The following SMAD3 variants were observed in gnomAD, a reference collection of about 807,000 sequenced individuals.
SMAD3 encodes the protein MAD homolog 3.
In SMAD3, 12 loss-of-function variants were observed where a neutral mutation model predicts 51.8. That is an observed-to-expected ratio of 0.23 (90% confidence interval 0.15 to 0.38). The LOEUF (loss-of-function observed/expected upper bound fraction) is 0.38, where lower values mean the gene tolerates loss of function less well. SMAD3 is among the 10% of genes least tolerant of loss of function. The pLI, the probability that SMAD3 is intolerant of heterozygous loss-of-function variation, is 1.00. For missense variants in SMAD3, 294 were observed against 565.6 expected, an observed-to-expected ratio of 0.52 and a Z score of 4.87; for synonymous variants, 238 against 227.7, an observed-to-expected ratio of 1.05 and a Z score of -0.41.
intron 1 of SMAD3, among the ~76,000 whole-genome samples, chr15:67,100,214 T>C (rs1260326777): frequency 6.8e-6 from 1 of 147,862 alleles, no homozygotes; most frequent in African/African-American, 2.5e-5. Flanking sequence ...ATGAAGTATG[T>C]GCCACAACAT....
intron 7 of SMAD3, chr15:67,186,975 G>A (rs1304180905): frequency 6.8e-6 from 3 of 443,640 alleles, no homozygotes; most frequent in African/African-American, 2.0e-5. Context: ...TGGGCAACCT[G>A]GCCCAGGTCC....
At chr15:67,150,148 G>A (rs887375985) in intron 1 of SMAD3, among the ~76,000 whole-genome samples, 5 of 152,232 alleles carry the variant, frequency 3.3e-5, no homozygotes, top group East Asian at 1.9e-4. Flanking sequence ...TGGAGTGAGC[G>A]CTTGTCCTGA....
chr15:67,065,621 G>GGCGGGA lies in SMAD3; in HGVS notation c.-524_-519dup, dbSNP rs1209155850. On this transcript the variant is annotated 5_prime_UTR_variant, in exon 1 of 9. Transcript: ENST00000327367. Reference sequence around the variant, plus strand: ...TTGCATGAAACACAGACTGGGAGCGGGCGGGAGCGGGAGCGCGGCGCACGC... The same window carrying GGCGGGA: ...TTGCATGAAACACAGACTGGGAGCGGGCGGGAGCGGGAGCGGGAGCGCGGCGCACGC... Among the ~76,000 whole-genome samples, 6 of 151,392 alleles carry GGCGGGA rather than the reference G, an allele frequency of 4.0e-5. No individual in the cohort carries two copies. The highest frequency in any genetic ancestry group is 2.1e-4 in the South Asian group (1 of 4,806).
chr15:67,167,815 T>C, intron 4 of SMAD3, among the ~76,000 whole-genome samples: 1 of 152,050 alleles, frequency 6.6e-6, no homozygotes, highest in East Asian at 1.9e-4. Flanking sequence ...TTGTGTGTGG[T>C]TGGGAGAGGA....
At chr15:67,066,722 C>A (rs1384877533) in intron 1 of SMAD3, among the ~76,000 whole-genome samples, 1 of 152,142 alleles carries the variant, frequency 6.6e-6, no homozygotes, top group Non-Finnish European at 1.5e-5. Flanking sequence ...CTCCGCGGGC[C>A]GGAGCCCCTC....
Position 67,107,970 on chromosome 15 carries a change from C to T in SMAD3, c.206+41610C>T, listed in dbSNP as rs142083133. On this transcript the variant is annotated intron_variant, in intron 1 of 8. Coordinates refer to ENST00000327367, the MANE Select transcript of SMAD3 (RefSeq NM_005902.4). Reference sequence around the variant, plus strand: ...TCCCTGGATCTGCTCTCCTCTCCCCCCCACCCCCCCACCACCTCCCGCGCT... The same window carrying T: ...TCCCTGGATCTGCTCTCCTCTCCCCTCCACCCCCCCACCACCTCCCGCGCT... Among the ~76,000 whole-genome samples the T allele has an allele frequency of 7.2e-5, 9 of 124,186 alleles. 1 individual carries two copies. The South Asian group carries it at 1.6e-3, about 22-fold the overall frequency. The allele number at this position is 124,186 out of a possible 152,430, so 81.5% of individuals were successfully genotyped here. A position where few individuals can be genotyped will look rare whatever the true frequency, so the allele number is the denominator to read the frequency against.
At chr15:67,142,934 ATCC>A (rs1032953861) in intron 1 of SMAD3, 18 of 403,436 alleles carry the variant, frequency 4.5e-5, no homozygotes, top group Admixed American at 1.4e-4. Flanking sequence ...GGGTTGGAAC[ATCC>A]TCCTCATTTT....
At chr15:67,110,522 A>G (rs1348926743) in intron 1 of SMAD3, among the ~76,000 whole-genome samples, 1 of 152,178 alleles carries the variant, frequency 6.6e-6, no homozygotes, top group Non-Finnish European at 1.5e-5. Flanking sequence ...TATTGACTTC[A>G]TAGTGTTGTT....
intron 5 of SMAD3, among the ~76,000 whole-genome samples, chr15:67,173,413 G>A (rs1190843645): frequency 6.6e-6 from 1 of 152,068 alleles, no homozygotes; most frequent in Non-Finnish European, 1.5e-5. Context: ...ATGTGTGAGC[G>A]GGCCCTTGAA....
Position 67,191,620 on chromosome 15 carries a change from C to A in SMAD3, c.*1084C>A, listed in dbSNP as rs1471607007. The A allele has an allele frequency of 8.6e-6, 2 of 233,140 alleles. No homozygotes were observed. The highest frequency in any genetic ancestry group is 1.7e-5 in the Non-Finnish European group (2 of 117,936). 14.4% of individuals were successfully genotyped at this position (233,140 alleles called of 1,614,324 possible). On this transcript the variant is annotated 3_prime_UTR_variant, in exon 9 of 9. Coordinates refer to ENST00000327367, the MANE Select transcript of SMAD3 (RefSeq NM_005902.4). ...GCAACTGCTTCTCTCCCTTCTCTCT[C>A]CTGAGGTGAAGCTTTTCCAGGTTTT...
chr15:67,072,620 C>T (rs1960079597), intron 1 of SMAD3, among the ~76,000 whole-genome samples: 1 of 152,236 alleles, frequency 6.6e-6, no homozygotes, highest in East Asian at 1.9e-4. Context: ...CCCAAGAAGG[C>T]TGCTCATGAT....
chr15:67,156,642 C>T (rs780107950), intron 1 of SMAD3, among the ~76,000 whole-genome samples: 2 of 152,154 alleles, frequency 1.3e-5, no homozygotes, highest in Admixed American at 1.3e-4. Context: ...GCTAGTGTTG[C>T]GTAACAAAGC....
intron 1 of SMAD3, among the ~76,000 whole-genome samples, chr15:67,153,601 A>G (rs940636324): frequency 6.6e-6 from 1 of 152,046 alleles, no homozygotes; most frequent in African/African-American, 2.4e-5. Context: ...CCCCCAGGGG[A>G]CATTTGGCAA....
intron 1 of SMAD3, among the ~76,000 whole-genome samples, chr15:67,109,031 C>T (rs998597849): frequency 7.9e-5 from 12 of 152,168 alleles, no homozygotes; most frequent in African/African-American, 2.9e-4. Context: ...TTCTTGTTGA[C>T]GAAGACCAGT....
chr15:67,171,830 G>A (rs1962759695), intron 5 of SMAD3, among the ~76,000 whole-genome samples: 1 of 152,210 alleles, frequency 6.6e-6, no homozygotes, highest in Admixed American at 6.5e-5. Context: ...TGAAAGGACT[G>A]AGTTATTAAA....
At chr15:67,187,273 G>T (rs931400302) in intron 7 of SMAD3, 92 bp from the exon 8 acceptor site, 1 of 1,475,750 alleles carries the variant, frequency 6.8e-7, no homozygotes, top group Admixed American at 1.7e-5. Flanking sequence ...AATGAGGCTG[G>T]TCTAGGGGGT....
At chr15:67,160,236 T>C (rs1962389539) in intron 1 of SMAD3, among the ~76,000 whole-genome samples, 1 of 152,246 alleles carries the variant, frequency 6.6e-6, no homozygotes, top group Non-Finnish European at 1.5e-5. Context: ...CCAAAATAGT[T>C]GTACCATTTT....
rs563664957 is a variant in SMAD3, at chr15:67,166,427, A to G, written c.533-352A>G. ...GCCTGCAGATCTTCAGAGGACAGAA[A>G]GGGGTGAGGCGGAGGCAAGTCTGGA... On this transcript the variant is annotated intron_variant, in intron 3 of 8. Coordinates refer to ENST00000327367, the MANE Select transcript of SMAD3 (RefSeq NM_005902.4). The G allele has an allele frequency of 4.2e-5, 18 of 429,794 alleles. No individual in the cohort carries two copies. The East Asian group carries it at 8.6e-4, about 21-fold the overall frequency. 26.6% of individuals were successfully genotyped at this position (429,794 alleles called of 1,614,324 possible). A position where few individuals can be genotyped will look rare whatever the true frequency, so the allele number is the denominator to read the frequency against.
intron 8 of SMAD3, among the ~76,000 whole-genome samples, chr15:67,189,041 C>A (rs1299225835): frequency 6.6e-6 from 1 of 152,220 alleles, no homozygotes; most frequent in Non-Finnish European, 1.5e-5. Context: ...CTGAAGAGAT[C>A]AGCCCAGGCC....
Sources: gnomAD v4.1 joint callset for allele counts (sites outside exome capture counted in the v4.1 genomes callset) on GRCh38, gnomAD v4.1.1 for gene constraint, MANE v1.5 for transcripts, NCBI Gene and HGNC (gene_info 2026-07-23, HGNC 2026-07-21) for gene names.